The following TMEM178B variants were observed in gnomAD, a reference collection of about 807,000 sequenced individuals.
TMEM178B encodes transmembrane protein 178B.
TMEM178B carries 5 observed loss-of-function variants against 31.0 expected under a neutral mutation model. The ratio of observed to expected loss-of-function variants is 0.16; its 90% CI spans 0.08 to 0.34. The LOEUF (loss-of-function observed/expected upper bound fraction) is 0.34, where lower values mean the gene tolerates loss of function less well. Ranked by LOEUF, TMEM178B falls within the 10% of genes least tolerant of loss-of-function variation. The pLI, the probability that TMEM178B is intolerant of heterozygous loss-of-function variation, is 1.00. For synonymous variants in TMEM178B, 164 were observed against 164.0 expected, an observed-to-expected ratio of 1.00 and a Z score of 0.00; for missense variants, 275 against 400.3, an observed-to-expected ratio of 0.69 and a Z score of 2.67.
In TMEM178B at chr7:141,438,696, T is replaced by TAAAAAAAAAAAAAAAA. The variant is rs869132131; in HGVS notation, c.634+966_634+981dup. 5.2e-4 allele frequency among the ~76,000 whole-genome samples: 15 copies of TAAAAAAAAAAAAAAAA among 29,002 alleles called. 3 individuals are homozygous for TAAAAAAAAAAAAAAAA. Among genetic ancestry groups the TAAAAAAAAAAAAAAAA allele is most frequent in the African/African-American group, 6.3e-4 (7 of 11,118 alleles). 19.0% of individuals were successfully genotyped at this position (29,002 alleles called of 152,430 possible). ...CAGCTTGGTAAAACCCCGTCTCTAC[T>TAAAAAAAAAAAAAAAA]AAAAAAAAAAAAAAAAAAAAAAAAA... On this transcript the variant is annotated intron_variant, in intron 3 of 3. Coordinates refer to ENST00000565468, the MANE Select transcript of TMEM178B (RefSeq NM_001195278.2).
intron 2 of TMEM178B, among the ~76,000 whole-genome samples, chr7:141,314,394 T>A (rs1444148900): frequency 6.6e-6 from 1 of 152,238 alleles, no homozygotes; most frequent in Non-Finnish European, 1.5e-5. Context: ...TTCCTTCTGA[T>A]GGGGCAGGGA....
Position 141,236,285 on chromosome 7 carries a change from C to T in TMEM178B, c.496+23581C>T, listed in dbSNP as rs1053469950. Among the ~76,000 whole-genome samples, 14 of 152,120 alleles carry T rather than the reference C, an allele frequency of 9.2e-5. No homozygotes were observed. In the East Asian group the frequency reaches 1.9e-3, roughly 21 times the overall value. ...CCAAATTTGAGAAGTTACAGAGATT[C>T]GGCGCAGAGAAGCACAGAAAGGGAA... On this transcript the variant is annotated intron_variant, in intron 2 of 3. Transcript: ENST00000565468.
intron 1 of TMEM178B, among the ~76,000 whole-genome samples, chr7:141,161,926 G>T (rs1350701830): frequency 7.1e-6 from 1 of 141,164 alleles, no homozygotes; most frequent in Non-Finnish European, 1.5e-5. Context: ...ATGTGAGAAT[G>T]TGTGTGTTTG....
At chr7:141,262,124 C>T (rs183682973) in intron 2 of TMEM178B, among the ~76,000 whole-genome samples, 323 of 152,266 alleles carry the variant, frequency 2.1e-3, no homozygotes, top group African/African-American at 7.3e-3. Flanking sequence ...AACCAGTTTG[C>T]AAGCCAAGGC....
chr7:141,445,045 C>T (rs73169569), intron 3 of TMEM178B, among the ~76,000 whole-genome samples: 1,644 of 152,300 alleles, frequency 0.011, 18 homozygotes, highest in Non-Finnish European at 0.019. Context: ...ATTAAAGTTT[C>T]TTTTCCTACC....
chr7:141,500,172 C>T, the TMEM178B span, among the ~76,000 whole-genome samples: 1 of 152,080 alleles, frequency 6.6e-6, no homozygotes, highest in Non-Finnish European at 1.5e-5. Flanking sequence ...AATTTATTGA[C>T]CATCAATTAT....
chr7:141,378,302 G>T (rs751871911), intron 2 of TMEM178B, among the ~76,000 whole-genome samples: 1 of 152,090 alleles, frequency 6.6e-6, no homozygotes, highest in Non-Finnish European at 1.5e-5. Flanking sequence ...CCTGGTTAAG[G>T]TAGTGTCTTC....
chr7:141,118,978 G>A (rs1471873833), intron 1 of TMEM178B, among the ~76,000 whole-genome samples: 4 of 152,158 alleles, frequency 2.6e-5, no homozygotes, highest in Non-Finnish European at 4.4e-5. Flanking sequence ...TATTTGGCAC[G>A]CGTGGCTCTC....
intron 2 of TMEM178B, among the ~76,000 whole-genome samples, chr7:141,275,123 G>A (rs1039601951): frequency 2.0e-5 from 3 of 152,180 alleles, no homozygotes; most frequent in African/African-American, 7.2e-5. Context: ...ACAAGCCAAA[G>A]ACTGGGAGAA....
chr7:141,236,230 GTT>G (rs1450724696), intron 2 of TMEM178B, among the ~76,000 whole-genome samples: 1 of 152,208 alleles, frequency 6.6e-6, no homozygotes, highest in African/African-American at 2.4e-5. Flanking sequence ...GAAGAGGAAA[GTT>G]TCCCCAATAT....
At chr7:141,218,656 C>A (rs143648624) in intron 2 of TMEM178B, among the ~76,000 whole-genome samples, 3 of 152,166 alleles carry the variant, frequency 2.0e-5, no homozygotes, top group East Asian at 3.9e-4. Context: ...CCCGGCCCCC[C>A]ACACCTGGAC....
intron 2 of TMEM178B, among the ~76,000 whole-genome samples, chr7:141,316,587 A>G (rs1199386292): frequency 6.6e-6 from 1 of 152,100 alleles, no homozygotes; most frequent in Non-Finnish European, 1.5e-5. Context: ...ACACTTACAC[A>G]CATACACGAA....
chr7:141,383,836 A>G (rs1175154968), intron 2 of TMEM178B, among the ~76,000 whole-genome samples: 4 of 152,176 alleles, frequency 2.6e-5, no homozygotes, highest in Non-Finnish European at 4.4e-5. Flanking sequence ...ACCCATCAAC[A>G]GAGTAAAAGT....
intron 1 of TMEM178B, among the ~76,000 whole-genome samples, chr7:141,099,966 C>T (rs1327594274): frequency 6.6e-6 from 1 of 151,964 alleles, no homozygotes; most frequent in Admixed American, 6.6e-5. Context: ...ACTACAGGCA[C>T]CCGCCACCAC....
intron 1 of TMEM178B, among the ~76,000 whole-genome samples, chr7:141,112,231 A>AT (rs1338673115): frequency 6.6e-6 from 1 of 152,042 alleles, no homozygotes; most frequent in Admixed American, 6.6e-5. Context: ...CATGAAGTCT[A>AT]TTTTTTAATT....
intron 1 of TMEM178B, among the ~76,000 whole-genome samples, chr7:141,144,369 A>G (rs550301826): frequency 6.6e-6 from 1 of 152,386 alleles, no homozygotes; most frequent in South Asian, 2.1e-4. Context: ...GGTATAATAA[A>G]GACTAAAGTT....
In TMEM178B at chr7:141,074,065, C is replaced by T. The variant is rs1794552297; in HGVS notation, c.-246C>T. Among the ~76,000 whole-genome samples, 1 of 152,164 alleles carries T rather than the reference C, an allele frequency of 6.6e-6. No individual in the cohort carries two copies. Among genetic ancestry groups the T allele is most frequent in the South Asian group, 2.1e-4 (1 of 4,834 alleles). ...GGGTTCGCCGCCGCCGGAGGCTGCACCTGCCTCAGAGGATGCCCAGGAGCC... is the reference window on the plus strand; with the variant it reads ...GGGTTCGCCGCCGCCGGAGGCTGCATCTGCCTCAGAGGATGCCCAGGAGCC... On this transcript the variant is annotated 5_prime_UTR_variant, in exon 1 of 4. Transcript: ENST00000565468. This position sits in a 1 kb window ranked among gnomAD's most constrained non-coding sequence, Gnocchi z 5.1.
At chr7:141,485,393 A>G in the TMEM178B span, among the ~76,000 whole-genome samples, 1,308 of 152,334 alleles carry the variant, frequency 8.6e-3, 21 homozygotes, top group African/African-American at 0.025. Flanking sequence ...TGGGCAAGAT[A>G]TTTAGCCTCT....
intron 2 of TMEM178B, among the ~76,000 whole-genome samples, chr7:141,256,284 A>C (rs773419020): frequency 6.6e-6 from 1 of 152,236 alleles, no homozygotes; most frequent in Non-Finnish European, 1.5e-5. Flanking sequence ...AAGAAAAATA[A>C]ACCAAGAGTG....
Sources: allele counts gnomAD v4.1 joint callset (sites outside exome capture counted in the v4.1 genomes callset), GRCh38; gene constraint gnomAD v4.1.1; non-coding constraint Gnocchi (gnomAD v3.1); transcripts MANE v1.5; gene names NCBI Gene and HGNC (gene_info 2026-07-23, HGNC 2026-07-21).